Variants in MALRD1 observed in about 807,000 individuals in gnomAD.
The protein encoded by MALRD1 is MAM and LDL receptor class A domain containing 1.
In MALRD1, 247 loss-of-function variants were observed where a neutral mutation model predicts 242.1. The observed-to-expected ratio is 1.02, with a 90% confidence interval of 0.92 to 1.13. The LOEUF (loss-of-function observed/expected upper bound fraction) is 1.13, where lower values mean the gene tolerates loss of function less well. MALRD1 is among the 50% of genes most tolerant of loss of function. The pLI is 0.00. For synonymous variants in MALRD1, 995 were observed against 866.6 expected, an observed-to-expected ratio of 1.15 and a Z score of -2.60; for missense variants, 2,989 against 2,533.1, an observed-to-expected ratio of 1.18 and a Z score of -3.86.
intron 21 of MALRD1, among the ~76,000 whole-genome samples, chr10:19,303,621 A>G (rs192408035): frequency 1.3e-3 from 196 of 151,926 alleles, no homozygotes; most frequent in African/African-American, 4.3e-3. Context: ...TAGTAGCCAC[A>G]ACATACAAAA....
chr10:19,202,280 T>C (rs1453106687), intron 14 of MALRD1, among the ~76,000 whole-genome samples: 1 of 152,158 alleles, frequency 6.6e-6, no homozygotes, highest in Non-Finnish European at 1.5e-5. Context: ...CCTCTGATTC[T>C]GATAAGATTC....
At chr10:19,695,196 T>C (rs1346128034) in intron 38 of MALRD1, among the ~76,000 whole-genome samples, 1 of 152,172 alleles carries the variant, frequency 6.6e-6, no homozygotes, top group African/African-American at 2.4e-5. Flanking sequence ...GTCATGCACA[T>C]GTACCCTAGA....
At chr10:19,146,374 A>T (rs1833726713) in intron 11 of MALRD1, 30 bp downstream of exon 11, 1 of 1,207,180 alleles carries the variant, frequency 8.3e-7, no homozygotes, top group African/African-American at 1.6e-5. Context: ...AAAAAAAAAT[A>T]GTTTTCTTTC....
chr10:19,176,423 G>T lies in MALRD1; in HGVS notation c.1951+1095G>T, dbSNP rs1172506572. ...CGCTCTGTCGCCCAGGCCGGACTGC[G>T]GACTGCAGTGGCGCAATCTCGGCTC... On this transcript the variant is annotated intron_variant, in intron 14 of 39. Transcript: ENST00000454679. Among the ~76,000 whole-genome samples the T allele has an allele frequency of 3.3e-3, 423 of 127,276 alleles. 3 individuals carry two copies. Among genetic ancestry groups the T allele is most frequent in the African/African-American group, 0.011 (395 of 34,460 alleles). 83.5% of individuals were successfully genotyped at this position (127,276 alleles called of 152,430 possible). A position where few individuals can be genotyped will look rare whatever the true frequency, so the allele number is the denominator to read the frequency against.
At chr10:19,554,400 T>C (rs1391763887) in intron 32 of MALRD1, among the ~76,000 whole-genome samples, 1 of 152,028 alleles carries the variant, frequency 6.6e-6, no homozygotes, top group African/African-American at 2.4e-5. Flanking sequence ...AAATTTTTAT[T>C]TTAAGTTCCA....
intron 26 of MALRD1, among the ~76,000 whole-genome samples, chr10:19,380,690 A>T (rs1845799124): frequency 6.6e-6 from 1 of 152,152 alleles, no homozygotes; most frequent in South Asian, 2.1e-4. Flanking sequence ...TATAGAATTT[A>T]AAAATGTTTT....
At chr10:19,703,320 A>G (rs1435336501) in intron 38 of MALRD1, among the ~76,000 whole-genome samples, 1 of 152,100 alleles carries the variant, frequency 6.6e-6, no homozygotes, top group East Asian at 1.9e-4. Flanking sequence ...GTAACAAAGT[A>G]GTGTTACCTA....
chr10:19,199,699 G>A (rs570632587), intron 14 of MALRD1, among the ~76,000 whole-genome samples: 10 of 152,236 alleles, frequency 6.6e-5, no homozygotes, highest in African/African-American at 2.4e-4. Context: ...TACTCAGTAA[G>A]CTGAGGCATG....
intron 7 of MALRD1, among the ~76,000 whole-genome samples, chr10:19,126,467 G>C (rs551986302): frequency 2.0e-5 from 3 of 151,968 alleles, no homozygotes; most frequent in Non-Finnish European, 4.4e-5. Flanking sequence ...TGACACTATG[G>C]CCAGTCTAGG....
intron 29 of MALRD1, among the ~76,000 whole-genome samples, chr10:19,472,323 T>C (rs3904488): frequency 0.45 from 67,797 of 151,570 alleles, 15,450 homozygotes; most frequent in East Asian, 0.55. Flanking sequence ...CTGAGGATTT[T>C]GCATGGATGT....
intron 32 of MALRD1, among the ~76,000 whole-genome samples, chr10:19,544,932 G>T (rs1028614032): frequency 6.6e-6 from 1 of 152,100 alleles, no homozygotes; most frequent in African/African-American, 2.4e-5. Flanking sequence ...TACTATATTG[G>T]ATTCTTTTTG....
At chr10:19,077,628 T>C (rs1334933413) in intron 2 of MALRD1, among the ~76,000 whole-genome samples, 1 of 151,922 alleles carries the variant, frequency 6.6e-6, no homozygotes, top group South Asian at 2.1e-4. Flanking sequence ...GAAGTGCTTG[T>C]TTTTACAGTA....
intron 36 of MALRD1, among the ~76,000 whole-genome samples, chr10:19,658,493 CCA>C (rs559716009): frequency 2.6e-4 from 39 of 151,454 alleles, no homozygotes; most frequent in African/African-American, 8.9e-4. Flanking sequence ...GGAAAACACA[CCA>C]CACACACACA....
intron 1 of MALRD1, among the ~76,000 whole-genome samples, chr10:19,053,991 G>T (rs901116658): frequency 9.2e-5 from 14 of 152,036 alleles, no homozygotes; most frequent in African/African-American, 3.4e-4. Context: ...AACTAAAAAA[G>T]TAATTTGTAG....
intron 17 of MALRD1, among the ~76,000 whole-genome samples, chr10:19,208,123 G>A (rs1836869193): frequency 6.6e-6 from 1 of 150,970 alleles, no homozygotes; most frequent in African/African-American, 2.4e-5. Context: ...GTGGGTTAGT[G>A]TAACTGCTAA....
chr10:19,703,712 T>C (rs1278691115), intron 38 of MALRD1, among the ~76,000 whole-genome samples: 2 of 152,082 alleles, frequency 1.3e-5, no homozygotes, highest in Admixed American at 1.3e-4. Context: ...CTGGCCAACA[T>C]GGCAAAACCC....
intron 36 of MALRD1, among the ~76,000 whole-genome samples, chr10:19,638,031 G>T (rs1013287130): frequency 9.5e-5 from 14 of 146,830 alleles, no homozygotes. Flanking sequence ...AACCCAGGAG[G>T]CAGGGGTTGC....
intron 28 of MALRD1, among the ~76,000 whole-genome samples, chr10:19,441,338 C>G (rs1180186882): frequency 1.3e-5 from 2 of 152,090 alleles, no homozygotes; most frequent in Non-Finnish European, 2.9e-5. Flanking sequence ...GAAGCTCTTT[C>G]ATTTAATTAG....
intron 12 of MALRD1, among the ~76,000 whole-genome samples, chr10:19,157,247 G>A (rs142591915): frequency 1.2e-3 from 180 of 149,866 alleles, no homozygotes; most frequent in African/African-American, 3.9e-3. Flanking sequence ...GTGGCAATAT[G>A]TGATATTTTC....
Sources: gnomAD v4.1 joint callset for allele counts (sites outside exome capture counted in the v4.1 genomes callset) on GRCh38, gnomAD v4.1.1 for gene constraint, MANE v1.5 for transcripts, NCBI Gene and HGNC (gene_info 2026-07-23, HGNC 2026-07-21) for gene names.